TDRD12: variants seen among roughly 807,000 people sequenced by gnomAD.
TDRD12 encodes the protein putative ATP-dependent RNA helicase TDRD12.
A neutral mutation model predicts 133.5 loss-of-function variants in TDRD12; 158 were observed. The ratio of observed to expected loss-of-function variants is 1.18; its 90% CI spans 1.04 to 1.35. The LOEUF (loss-of-function observed/expected upper bound fraction) is 1.35, where lower values mean the gene tolerates loss of function less well. TDRD12 is among the 40% of genes most tolerant of loss of function. The probability of loss-of-function intolerance (pLI) is 0.00; values close to 1 mark genes in which losing one functional copy is unlikely to be tolerated. For missense variants in TDRD12, 1,443 were observed against 1,321.3 expected (o/e 1.09, Z -1.43); for synonymous variants, 460 against 477.9 (o/e 0.96, Z 0.49).
chr19:32,813,726 G>A, exon 25 of TDRD12: 1 of 1,535,308 alleles, frequency 6.5e-7, no homozygotes, highest in Non-Finnish European at 8.7e-7. Context: ...AAAATTGCAT[G>A]ATGCAAAAGT....
chr19:32,737,102 A>G (rs954257020), intron 2 of TDRD12, among the ~76,000 whole-genome samples: 2 of 152,178 alleles, frequency 1.3e-5, no homozygotes, highest in African/African-American at 4.8e-5. Context: ...AATACTGCAC[A>G]TTATGTAAAA....
At chr19:32,794,648 T>A in exon 14 of TDRD12, 1 of 702,714 alleles carries the variant, frequency 1.4e-6, no homozygotes, top group Non-Finnish European at 2.6e-6. Flanking sequence ...GAAATAAGTT[T>A]CCGGGCCCCA....
exon 8 of TDRD12, chr19:32,757,128 A>G (rs1036978695): frequency 2.6e-6 from 4 of 1,550,828 alleles, no homozygotes; most frequent in Admixed American, 2.0e-5. Flanking sequence ...GCCACAGCAC[A>G]GGGTGAGTTC....
At chr19:32,798,053 G>T (rs566576311) in intron 15 of TDRD12, among the ~76,000 whole-genome samples, 162 bp downstream of exon 15, 1 of 152,176 alleles carries the variant, frequency 6.6e-6, no homozygotes, top group African/African-American at 2.4e-5. Flanking sequence ...AGCTCCCGAC[G>T]GTTTTGATTA....
intron 8 of TDRD12, among the ~76,000 whole-genome samples, chr19:32,759,692 A>G (rs545089490): frequency 2.6e-5 from 4 of 152,194 alleles, no homozygotes; most frequent in Non-Finnish European, 4.4e-5. Context: ...TAAAATTTTT[A>G]TTTCACAGAA....
intron 14 of TDRD12, chr19:32,796,355 G>A (rs1364121265): frequency 3.4e-5 from 6 of 175,918 alleles, no homozygotes; most frequent in South Asian, 1.9e-4. Flanking sequence ...TTGGGACGCC[G>A]AGGCAGGCGG....
At chr19:32,791,168 C>A in intron 13 of TDRD12, 100 bp downstream of exon 13, 1 of 1,252,668 alleles carries the variant, frequency 8.0e-7, no homozygotes. Context: ...TGTATAATTT[C>A]TTTGCTTTTG....
chr19:32,725,109 G>A (rs1361107942), intron 1 of TDRD12, among the ~76,000 whole-genome samples: 3 of 152,056 alleles, frequency 2.0e-5, no homozygotes, highest in Non-Finnish European at 4.4e-5. Flanking sequence ...CTGGATATTA[G>A]ATCTTTGTCA....
At position 32,761,861 on chromosome 19, in the gene TDRD12, T is replaced by C. The variant is rs543886972; in HGVS notation, c.865+4731T>C. Reference sequence around the variant, plus strand: ...CCACCATGCCTGGCTAATTTTTGTATTTTTAGTAGAGACGGGGTTTCACCA... The same window carrying C: ...CCACCATGCCTGGCTAATTTTTGTACTTTTAGTAGAGACGGGGTTTCACCA... On this transcript the variant is annotated intron_variant, in intron 8 of 27. Coordinates refer to ENST00000444215, the Ensembl canonical transcript of TDRD12. 2.0e-5 allele frequency among the ~76,000 whole-genome samples: 3 copies of C among 152,138 alleles called. No individual in the cohort carries two copies. The East Asian group carries it at 5.8e-4, about 30-fold the overall frequency.
chr19:32,800,677 TC>T lies in TDRD12; in HGVS notation c.1985del (p.Ser662PhefsTer18). ...TCTTTGCCTAGAATGTGAAAAAACT[TC>T]TTCTTTACTCCAAGCTCTTGATTTT... On this transcript the variant is annotated frameshift_variant, in exon 18 of 28. Coordinates refer to ENST00000444215, the Ensembl canonical transcript of TDRD12. LOFTEE classifies it high-confidence loss of function. 6.5e-7 allele frequency: 1 copy of T among 1,535,562 alleles called. No homozygotes were observed. Among genetic ancestry groups the T allele is most frequent in the Non-Finnish European group, 8.7e-7 (1 of 1,146,668 alleles).
chr19:32,725,908 A>G (rs1413295083), intron 1 of TDRD12, among the ~76,000 whole-genome samples: 2 of 151,798 alleles, frequency 1.3e-5, no homozygotes, highest in African/African-American at 4.8e-5. Context: ...ATTCCTAGGT[A>G]TTCTCTTTGT....
rs1967142451 is a variant in TDRD12, at chr19:32,815,380, G to T, written c.3142-68G>T. 3.0e-6 allele frequency: 4 copies of T among 1,334,602 alleles called. No individual in the cohort carries two copies. The African/African-American group carries it at 5.9e-5, about 20-fold the overall frequency. The allele number at this position is 1,334,602 out of a possible 1,614,324, so 82.7% of individuals were successfully genotyped here. A position where few individuals can be genotyped will look rare whatever the true frequency, so the allele number is the denominator to read the frequency against. Reference sequence around the variant, plus strand: ...TGAATGAACCAGAGAGGCCCTGTGGGAATGTCTATGCTTCAGTTAAAATTC... The same window carrying T: ...TGAATGAACCAGAGAGGCCCTGTGGTAATGTCTATGCTTCAGTTAAAATTC... On this transcript the variant is annotated intron_variant, in intron 25 of 27. Coordinates refer to ENST00000444215, the Ensembl canonical transcript of TDRD12.
intron 1 of TDRD12, 70 bp from the exon 2 acceptor site, chr19:32,731,655 T>G (rs533127186): frequency 7.4e-7 from 1 of 1,352,628 alleles, no homozygotes; most frequent in Admixed American, 3.1e-5. Context: ...TAATCGTGGC[T>G]CTAAAGTTTA....
In TDRD12 at chr19:32,780,485, A is replaced by T. The variant is rs115055069; in HGVS notation, c.1121+3256A>T. ...GAAATGCCCTTCACACAAACTGCTG[A>T]GTCCAGGGTCAGACACTGTCCTTCC... On this transcript the variant is annotated intron_variant, in intron 11 of 27. Coordinates refer to ENST00000444215, the Ensembl canonical transcript of TDRD12. Among the ~76,000 whole-genome samples the T allele has an allele frequency of 8.5e-3, 1,288 of 152,326 alleles. 15 individuals carry two copies. Among genetic ancestry groups the T allele is most frequent in the African/African-American group, 0.026 (1,089 of 41,568 alleles).
chr19:32,770,404 T>C (rs1568468304), intron 8 of TDRD12, among the ~76,000 whole-genome samples: 1 of 152,172 alleles, frequency 6.6e-6, no homozygotes. Context: ...CTTCCTTTTT[T>C]ACTCTTATAT....
chr19:32,785,459 G>T (rs1353429449), intron 11 of TDRD12, among the ~76,000 whole-genome samples: 2 of 152,194 alleles, frequency 1.3e-5, no homozygotes, highest in Admixed American at 1.3e-4. Flanking sequence ...GGAGAGTTCT[G>T]TAGATGTCTA....
intron 4 of TDRD12, among the ~76,000 whole-genome samples, chr19:32,743,342 C>T (rs1347003429): frequency 6.6e-6 from 1 of 151,816 alleles, no homozygotes; most frequent in African/African-American, 2.4e-5. Flanking sequence ...CCACCATACC[C>T]AGCTAACTCC....
At chr19:32,778,897 A>G (rs1046213166) in intron 11 of TDRD12, among the ~76,000 whole-genome samples, 1 of 152,232 alleles carries the variant, frequency 6.6e-6, no homozygotes, top group Non-Finnish European at 1.5e-5. Flanking sequence ...CCCACTGATT[A>G]AACAACATCA....
At chr19:32,785,377 C>A (rs1345096945) in intron 11 of TDRD12, among the ~76,000 whole-genome samples, 1 of 152,064 alleles carries the variant, frequency 6.6e-6, no homozygotes, top group East Asian at 1.9e-4. Flanking sequence ...GTTTTACTTC[C>A]AATTATGTGG....
Sources: allele counts gnomAD v4.1 joint callset (sites outside exome capture counted in the v4.1 genomes callset), GRCh38; gene constraint gnomAD v4.1.1; transcripts MANE v1.5; gene names NCBI Gene and HGNC (gene_info 2026-07-23, HGNC 2026-07-21).